The following FAH variants were observed in gnomAD, a reference collection of about 807,000 sequenced individuals.
The protein encoded by FAH is fumarylacetoacetase.
A neutral mutation model predicts 55.8 loss-of-function variants in FAH; 47 were observed. That is an observed-to-expected ratio of 0.84 (90% CI 0.67 to 1.07). The LOEUF (loss-of-function observed/expected upper bound fraction) is 1.07. FAH is among the 50% of genes least tolerant of loss of function. The pLI is 0.00. For synonymous variants in FAH, 199 were observed against 207.7 expected (o/e 0.96, Z 0.36); for missense variants, 495 against 545.9 (o/e 0.91, Z 0.93).
intron 5 of FAH, chr15:80,163,597 T>C (rs757920703): frequency 3.9e-5 from 6 of 152,212 alleles, no homozygotes; most frequent in Non-Finnish European, 7.3e-5. Context: ...TCTCTAGCCA[T>C]GTTTGATGCA....
At chr15:80,153,771 G>T (rs1412833816) in intron 1 of FAH, among the ~76,000 whole-genome samples, 2 of 152,204 alleles carry the variant, frequency 1.3e-5, no homozygotes, top group Non-Finnish European at 2.9e-5. Flanking sequence ...TTGGTAGAAA[G>T]AAGTATTTGA....
At chr15:80,168,200 A>G in intron 6 of FAH, 51 bp downstream of exon 6, 1 of 1,607,988 alleles carries the variant, frequency 6.2e-7, no homozygotes. Context: ...CTCTGTTCCC[A>G]CACAGAGAGT....
At position 80,172,945 on chromosome 15, in the gene FAH, G is replaced by T. The variant is rs1028372530; in HGVS notation, c.707-69G>T. ...AGGTGTCTCTGCTCCTTGGTCAAGG[G>T]CAGGAGGGGGTCGTTGGGAGATGCC... On this transcript the variant is annotated intron_variant, in intron 8 of 13. Transcript: ENST00000561421. 18 of 1,607,782 alleles carry T rather than the reference G, an allele frequency of 1.1e-5. No individual in the cohort carries two copies. The Admixed American group carries it at 3.0e-4, about 27-fold the overall frequency.
intron 8 of FAH, among the ~76,000 whole-genome samples, chr15:80,172,740 T>C (rs936844879): frequency 2.6e-5 from 4 of 152,182 alleles, no homozygotes; most frequent in African/African-American, 9.7e-5. Context: ...CTCTCATAGT[T>C]TGAGAATGAG....
intron 1 of FAH, chr15:80,156,802 A>T (rs2041104072): frequency 6.6e-6 from 1 of 152,182 alleles, no homozygotes; most frequent in African/African-American, 2.4e-5. Context: ...ACTCTCTCAG[A>T]CTTTTTCTGG....
chr15:80,167,793 A>G (rs1248923274), intron 5 of FAH, among the ~76,000 whole-genome samples: 1 of 152,066 alleles, frequency 6.6e-6, no homozygotes, highest in Admixed American at 6.6e-5. Context: ...CAGCCTCCCA[A>G]AGTGCTGGGA....
chr15:80,179,943 G>C (rs2041315006), intron 11 of FAH, among the ~76,000 whole-genome samples, 181 bp from the exon 12 acceptor site: 1 of 152,124 alleles, frequency 6.6e-6, no homozygotes, highest in East Asian at 1.9e-4. Flanking sequence ...TCTCTGGGCA[G>C]CTCCCCAGGA....
intron 12 of FAH, 126 bp downstream of exon 12, chr15:80,180,351 T>A: frequency 1.4e-6 from 1 of 733,920 alleles, no homozygotes; most frequent in Non-Finnish European, 2.4e-6. Flanking sequence ...CTCACAACTC[T>A]GTCTTCCTCG....
intron 7 of FAH, 69 bp downstream of exon 7, chr15:80,168,385 C>A: frequency 6.6e-7 from 1 of 1,525,396 alleles, no homozygotes; most frequent in Non-Finnish European, 9.0e-7. Flanking sequence ...TTTGGGATGG[C>A]TCCCCGCACC....
intron 1 of FAH, 122 bp downstream of exon 1, chr15:80,153,257 T>C: frequency 1.2e-6 from 1 of 812,526 alleles, no homozygotes; most frequent in Non-Finnish European, 2.1e-6. Flanking sequence ...GTGCCATTTT[T>C]CTCTTAAGAT....
intron 1 of FAH, among the ~76,000 whole-genome samples, chr15:80,154,335 C>A (rs2041080136): frequency 6.6e-6 from 1 of 152,258 alleles, no homozygotes; most frequent in South Asian, 2.1e-4. Context: ...GGCAGGCACA[C>A]CCCAGTAGGG....
chr15:80,174,585 T>C (rs2142102906), intron 9 of FAH, among the ~76,000 whole-genome samples: 1 of 152,332 alleles, frequency 6.6e-6, no homozygotes, highest in Non-Finnish European at 1.5e-5. Context: ...CCTCCCTAGC[T>C]GGCTCCAGCA....
chr15:80,169,315 G>A (rs1021277455), intron 7 of FAH, among the ~76,000 whole-genome samples: 9 of 151,874 alleles, frequency 5.9e-5, no homozygotes, highest in African/African-American at 1.4e-4. Flanking sequence ...CTGAGGAGGC[G>A]GAGGTTGCAG....
intron 13 of FAH, 43 bp downstream of exon 13, chr15:80,181,202 G>A (rs775900907): frequency 8.0e-6 from 11 of 1,381,448 alleles, no homozygotes; most frequent in East Asian, 2.3e-5. Flanking sequence ...CTCCTTGCCC[G>A]CCATGCACTG....
intron 5 of FAH, chr15:80,166,443 A>G (rs571274142): frequency 6.8e-6 from 1 of 147,812 alleles, no homozygotes; most frequent in African/African-American, 2.5e-5. Context: ...CTTCTTATAT[A>G]TTTTTTCACA....
At chr15:80,176,524 G>A (rs1187130727) in intron 10 of FAH, among the ~76,000 whole-genome samples, 1 of 152,236 alleles carries the variant, frequency 6.6e-6, no homozygotes, top group African/African-American at 2.4e-5. Flanking sequence ...GGCCCTCTGG[G>A]AAGCTGTGCT....
At chr15:80,158,422 G>C (rs1409248681) in intron 2 of FAH, among the ~76,000 whole-genome samples, 1 of 152,118 alleles carries the variant, frequency 6.6e-6, no homozygotes, top group Non-Finnish European at 1.5e-5. Flanking sequence ...TGCAGTCCTG[G>C]GTCGTTCCTA....
intron 13 of FAH, among the ~76,000 whole-genome samples, chr15:80,183,231 T>C (rs1163455250): frequency 6.6e-6 from 1 of 152,202 alleles, no homozygotes; most frequent in Non-Finnish European, 1.5e-5. Flanking sequence ...TGGGAACAGA[T>C]GGGCAAAATC....
At chr15:80,164,538 A>G (rs1054206715) in intron 5 of FAH, among the ~76,000 whole-genome samples, 1 of 151,948 alleles carries the variant, frequency 6.6e-6, no homozygotes, top group African/African-American at 2.4e-5. Context: ...TAACACACAC[A>G]CACACACACG....
Sources: gnomAD v4.1 joint callset for allele counts (sites outside exome capture counted in the v4.1 genomes callset) on GRCh38, gnomAD v4.1.1 for gene constraint, MANE v1.5 for transcripts, NCBI Gene and HGNC (gene_info 2026-07-23, HGNC 2026-07-21) for gene names.